Variants in SGMS1 observed in about 807,000 individuals in gnomAD.
The protein encoded by SGMS1 is sphingomyelin synthase 1, also known as phosphatidylcholine:ceramide cholinephosphotransferase 1.
In SGMS1, 13 loss-of-function variants were observed where a neutral mutation model predicts 46.2. That is an observed-to-expected ratio of 0.28 (90% CI 0.18 to 0.45). The LOEUF (loss-of-function observed/expected upper bound fraction) is 0.45, where lower values mean the gene tolerates loss of function less well. Ranked by LOEUF, SGMS1 falls within the 20% of genes least tolerant of loss-of-function variation. The pLI is 1.00. For missense variants in SGMS1, 324 were observed against 519.9 expected, an observed-to-expected ratio of 0.62 and a Z score of 3.66; for synonymous variants, 203 against 187.8, an observed-to-expected ratio of 1.08 and a Z score of -0.66.
At chr10:50,573,364 C>T (rs573880612) in intron 2 of SGMS1, among the ~76,000 whole-genome samples, 67 of 152,184 alleles carry the variant, frequency 4.4e-4, no homozygotes, top group African/African-American at 1.5e-3. Flanking sequence ...GAATTCAATA[C>T]AAAAACAATG....
At chr10:50,471,164 T>C (rs1837375411) in intron 3 of SGMS1, among the ~76,000 whole-genome samples, 1 of 152,180 alleles carries the variant, frequency 6.6e-6, no homozygotes, top group Non-Finnish European at 1.5e-5. Flanking sequence ...TAAACCAGTT[T>C]TAAGCATGAC....
chr10:50,425,529 A>T (rs1163063846), intron 6 of SGMS1, among the ~76,000 whole-genome samples: 1 of 152,248 alleles, frequency 6.6e-6, no homozygotes, highest in Non-Finnish European at 1.5e-5. Context: ...CTCACTTATA[A>T]GTGGGACCTA....
At chr10:50,622,947 T>C (rs1313325081) in intron 1 of SGMS1, among the ~76,000 whole-genome samples, 2 of 152,204 alleles carry the variant, frequency 1.3e-5, no homozygotes, top group Admixed American at 1.3e-4. Context: ...AGACCCCCTC[T>C]GTCACGGAAA....
chr10:50,487,989 A>T (rs764695976), intron 3 of SGMS1, among the ~76,000 whole-genome samples: 47 of 42,838 alleles, frequency 1.1e-3, no homozygotes, highest in South Asian at 2.9e-3. Flanking sequence ...TTTTTATTTT[A>T]TTTATTTATT....
chr10:50,453,863 G>GAGGAAGGA (rs1353821688), intron 5 of SGMS1, among the ~76,000 whole-genome samples: 1 of 54,128 alleles, frequency 1.8e-5, no homozygotes, highest in Non-Finnish European at 4.0e-5. Context: ...GGGAGGGAGG[G>GAGGAAGGA]AGGAAGGAAG....
intron 6 of SGMS1, among the ~76,000 whole-genome samples, chr10:50,352,441 G>C (rs565509654): frequency 2.0e-5 from 3 of 152,148 alleles, no homozygotes; most frequent in African/African-American, 7.2e-5. Flanking sequence ...AAATAACATA[G>C]AGCCCAAATT....
At chr10:50,354,679 T>C (rs1215028974) in intron 6 of SGMS1, among the ~76,000 whole-genome samples, 1 of 152,154 alleles carries the variant, frequency 6.6e-6, no homozygotes, top group Non-Finnish European at 1.5e-5. Context: ...AGAAAAGTTT[T>C]GCAATCTACT....
At chr10:50,432,526 A>G (rs1849417176) in intron 6 of SGMS1, among the ~76,000 whole-genome samples, 1 of 146,342 alleles carries the variant, frequency 6.8e-6, no homozygotes, top group Non-Finnish European at 1.5e-5. Flanking sequence ...TCCTTCTGAC[A>G]TTGCCAGCTT....
At chr10:50,529,281 T>C (rs1393443789) in intron 2 of SGMS1, among the ~76,000 whole-genome samples, 1 of 152,226 alleles carries the variant, frequency 6.6e-6, no homozygotes, top group African/African-American at 2.4e-5. Context: ...AAGTTCACTA[T>C]GTAAATTCTA....
At position 50,379,438 on chromosome 10, in the gene SGMS1, T is replaced by TTATATA. The variant is rs5784831; in HGVS notation, c.-231-35099_-231-35094dup. 6.0e-5 allele frequency among the ~76,000 whole-genome samples: 9 copies of TTATATA among 150,026 alleles called. No individual in the cohort carries two copies. In the East Asian group the frequency reaches 7.9e-4, roughly 13 times the overall value. ...TTCACATATATGTGGGCATATACAT[T>TTATATA]TATATATATATATATATATGTGCAC... is the stretch of plus-strand genomic sequence containing the variant. On this transcript the variant is annotated intron_variant, in intron 6 of 10. Transcript: ENST00000361781.
chr10:50,435,957 A>G (rs1849468824), intron 5 of SGMS1, among the ~76,000 whole-genome samples: 1 of 152,228 alleles, frequency 6.6e-6, no homozygotes, highest in South Asian at 2.1e-4. Context: ...CAATGTTCAC[A>G]AGAACACGTG....
chr10:50,456,948 A>G (rs1837198859), intron 5 of SGMS1, among the ~76,000 whole-genome samples: 1 of 152,246 alleles, frequency 6.6e-6, no homozygotes, highest in Admixed American at 6.5e-5. Flanking sequence ...GGTTCATTGC[A>G]TGATGTGACA....
chr10:50,475,894 T>A (rs1837421520), intron 3 of SGMS1, among the ~76,000 whole-genome samples: 1 of 151,970 alleles, frequency 6.6e-6, no homozygotes, highest in African/African-American at 2.4e-5. Context: ...CAATTGAACC[T>A]CATTTCTGTA....
upstream of SGMS1, chr10:50,624,536 C>G (rs978105037): frequency 2.1e-6 from 2 of 957,670 alleles, no homozygotes; most frequent in Non-Finnish European, 2.5e-6. Context: ...GCGACGGAGG[C>G]GCAAGAGCTC....
chr10:50,609,649 A>C (rs1838730137), intron 1 of SGMS1, among the ~76,000 whole-genome samples: 2 of 151,524 alleles, frequency 1.3e-5, no homozygotes, highest in African/African-American at 4.9e-5. Flanking sequence ...GATATACATA[A>C]TTTGTTTAAC....
intron 2 of SGMS1, among the ~76,000 whole-genome samples, chr10:50,554,841 CT>C (rs1315634621): frequency 6.6e-6 from 1 of 152,186 alleles, no homozygotes; most frequent in Non-Finnish European, 1.5e-5. Flanking sequence ...CTACAAGTTG[CT>C]TTTTTCACTC....
chr10:50,547,282 C>T (rs1248652003), intron 2 of SGMS1, among the ~76,000 whole-genome samples: 2 of 151,966 alleles, frequency 1.3e-5, no homozygotes, highest in African/African-American at 4.8e-5. Context: ...AAAATTCAGA[C>T]CATATAGACC....
At chr10:50,624,126 G>C (rs768551155), upstream of SGMS1, 5 of 985,400 alleles carry the variant, frequency 5.1e-6, no homozygotes, top group Non-Finnish European at 6.0e-6. Flanking sequence ...TCGCAGTTTG[G>C]GCCCCTTGAA....
At chr10:50,607,990 CA>C (rs1249899165) in intron 1 of SGMS1, among the ~76,000 whole-genome samples, 12 of 152,366 alleles carry the variant, frequency 7.9e-5, no homozygotes, top group Admixed American at 2.6e-4. Context: ...CCCAGTATCA[CA>C]AACATTAACA....
Sources: allele counts gnomAD v4.1 joint callset (sites outside exome capture counted in the v4.1 genomes callset), GRCh38; gene constraint gnomAD v4.1.1; transcripts MANE v1.5; gene names NCBI Gene and HGNC (gene_info 2026-07-23, HGNC 2026-07-21).